Variants in CEP112 observed in about 807,000 individuals in gnomAD.
The protein encoded by CEP112 is centrosomal protein 112.
A neutral mutation model predicts 153.0 loss-of-function variants in CEP112; 127 were observed. That is an observed-to-expected ratio of 0.83 (90% CI 0.72 to 0.96). The LOEUF (loss-of-function observed/expected upper bound fraction) is 0.96, where lower values mean the gene tolerates loss of function less well. CEP112 is among the 40% of genes least tolerant of loss of function. The pLI is 0.00. For synonymous variants in CEP112, 358 were observed against 374.4 expected, an observed-to-expected ratio of 0.96 and a Z score of 0.51; for missense variants, 1,089 against 1,101.2, an observed-to-expected ratio of 0.99 and a Z score of 0.16.
intron 24 of CEP112, among the ~76,000 whole-genome samples, chr17:65,675,173 T>C (rs1182574186): frequency 6.6e-6 from 1 of 152,130 alleles, no homozygotes; most frequent in Non-Finnish European, 1.5e-5. Context: ...AATATATACA[T>C]AATTGTATTT....
At chr17:65,967,289 T>C (rs2062448971) in intron 17 of CEP112, among the ~76,000 whole-genome samples, 2 of 152,206 alleles carry the variant, frequency 1.3e-5, no homozygotes, top group African/African-American at 2.4e-5. Flanking sequence ...TAAGAAGATA[T>C]GGATGTCAGC....
chr17:65,969,008 G>A (rs1156902919), intron 17 of CEP112, among the ~76,000 whole-genome samples: 1 of 151,694 alleles, frequency 6.6e-6, no homozygotes, highest in Admixed American at 6.6e-5. Flanking sequence ...CACATGCCAA[G>A]ATCTGTGCTC....
At chr17:65,934,297 GTTA>G (rs1463027442) in intron 18 of CEP112, among the ~76,000 whole-genome samples, 1 of 152,164 alleles carries the variant, frequency 6.6e-6, no homozygotes, top group Non-Finnish European at 1.5e-5. Flanking sequence ...ATGCAATAAA[GTTA>G]TTATCATCTT....
At position 65,786,087 on chromosome 17, in the gene CEP112, T is replaced by A. The variant is rs187264335; in HGVS notation, c.2395-35363A>T. ...GCCTTTTCATTTATTTAGATTTTAA[T>A]TTTTTCATTGATGTTTTGTAGTTTT... On this transcript the variant is annotated intron_variant, in intron 21 of 26. Coordinates refer to ENST00000535342, the MANE Select transcript of CEP112 (RefSeq NM_001199165.4). Among the ~76,000 whole-genome samples, 1,413 of 152,326 alleles carry A rather than the reference T, an allele frequency of 9.3e-3. 19 individuals carry two copies. Among genetic ancestry groups the A allele is most frequent in the African/African-American group, 0.032 (1,313 of 41,580 alleles).
chr17:65,896,915 T>C (rs2059678768), intron 20 of CEP112, among the ~76,000 whole-genome samples: 1 of 152,070 alleles, frequency 6.6e-6, no homozygotes. Context: ...TATTTTCTTT[T>C]TACAAAATTA....
At chr17:65,838,802 A>T (rs570590889) in intron 21 of CEP112, among the ~76,000 whole-genome samples, 20 of 152,198 alleles carry the variant, frequency 1.3e-4, no homozygotes, top group Admixed American at 8.5e-4. Flanking sequence ...TAAAACCAGA[A>T]ATAAAAAGGG....
At chr17:65,741,923 ATC>A (rs961891784) in intron 23 of CEP112, among the ~76,000 whole-genome samples, 7 of 152,144 alleles carry the variant, frequency 4.6e-5, no homozygotes, top group African/African-American at 1.2e-4. Flanking sequence ...TGAAAAAAAA[ATC>A]TCTCTTTTTT....
chr17:65,764,930 T>C (rs1393323102), intron 21 of CEP112, among the ~76,000 whole-genome samples: 1 of 140,146 alleles, frequency 7.1e-6, no homozygotes, highest in Non-Finnish European at 1.5e-5. Context: ...GTATCTGCTA[T>C]AGTGTTTTGC....
At chr17:65,666,337 T>C (rs760407693) in intron 24 of CEP112, among the ~76,000 whole-genome samples, 1 of 152,246 alleles carries the variant, frequency 6.6e-6, no homozygotes, top group South Asian at 2.1e-4. Context: ...CTGTTTTACA[T>C]AGTGTAGGGG....
chr17:65,637,874 T>C (rs1049533757), intron 25 of CEP112, among the ~76,000 whole-genome samples: 12 of 152,162 alleles, frequency 7.9e-5, no homozygotes, highest in Non-Finnish European at 1.3e-4. Flanking sequence ...GTAAGGAAAA[T>C]TACTGCTTTC....
At chr17:65,739,632 A>C (rs974967790) in intron 23 of CEP112, among the ~76,000 whole-genome samples, 1 of 151,982 alleles carries the variant, frequency 6.6e-6, no homozygotes, top group African/African-American at 2.4e-5. Context: ...GCTGCTTGGG[A>C]GGCTGAGGCA....
chr17:65,821,280 T>C (rs552399689), intron 21 of CEP112, among the ~76,000 whole-genome samples: 13 of 151,352 alleles, frequency 8.6e-5, no homozygotes, highest in Non-Finnish European at 4.4e-5. Context: ...GTTTTTGGCA[T>C]CTATTTCAGG....
chr17:65,644,174 T>C (rs561650924), intron 24 of CEP112: 10 of 823,314 alleles, frequency 1.2e-5, no homozygotes, highest in Admixed American at 9.4e-5. Flanking sequence ...CTTGCAGTTG[T>C]TCTTCAGCTA....
rs138265868 is a variant in CEP112 at position 65,913,427 on chromosome 17, G to A, written c.1981-11093C>T. On this transcript the variant is annotated intron_variant, in intron 19 of 26. Coordinates refer to ENST00000535342, the MANE Select transcript of CEP112 (RefSeq NM_001199165.4). ...CAGAGTAAAGATACATTTTAGCACA[G>A]AAAATACTACAATCTGGTCTTACTT... 1.2e-4 allele frequency: 101 copies of A among 873,300 alleles called. No homozygotes were observed. In the East Asian group the frequency reaches 8.3e-3, roughly 72 times the overall value. The allele number at this position is 873,300 out of a possible 1,614,324, so 54.1% of individuals were successfully genotyped here.
intron 24 of CEP112, among the ~76,000 whole-genome samples, chr17:65,686,846 C>G (rs964741025): frequency 7.0e-6 from 1 of 143,010 alleles, no homozygotes; most frequent in Non-Finnish European, 1.5e-5. Flanking sequence ...AGTTTACTTT[C>G]TCTATCATTG....
chr17:66,023,656 C>T (rs1402710123), intron 16 of CEP112, among the ~76,000 whole-genome samples: 1 of 151,822 alleles, frequency 6.6e-6, no homozygotes, highest in Non-Finnish European at 1.5e-5. Flanking sequence ...AAAGCAATTG[C>T]ACAAAGGAGG....
At position 65,747,127 on chromosome 17, in the gene CEP112, C is replaced by T. The variant is rs539197825; in HGVS notation, c.2457+3535G>A. On this transcript the variant is annotated intron_variant, in intron 22 of 26. Coordinates refer to ENST00000535342, the MANE Select transcript of CEP112 (RefSeq NM_001199165.4). ...ATTTCATCTTCAACTCATTCTATTG[C>T]TTTTCAGTTTGTAGTACAGTTTGAG... Among the ~76,000 whole-genome samples, 134 of 151,668 alleles carry T rather than the reference C, an allele frequency of 8.8e-4. 1 individual carries two copies. The highest frequency in any genetic ancestry group is 3.2e-3 in the African/African-American group (133 of 41,308).
intron 17 of CEP112, among the ~76,000 whole-genome samples, chr17:65,975,052 C>T (rs1373493613): frequency 1.3e-5 from 2 of 151,992 alleles, no homozygotes; most frequent in African/African-American, 2.4e-5. Context: ...GATTAATAAT[C>T]ACACTGAAGG....
At chr17:65,870,610 A>C (rs2058643191) in intron 20 of CEP112, among the ~76,000 whole-genome samples, 1 of 152,244 alleles carries the variant, frequency 6.6e-6, no homozygotes, top group African/African-American at 2.4e-5. Context: ...TTCAAATTGC[A>C]CTTTTAATAA....
Sources: allele counts gnomAD v4.1 joint callset (sites outside exome capture counted in the v4.1 genomes callset), GRCh38; gene constraint gnomAD v4.1.1; transcripts MANE v1.5; gene names NCBI Gene and HGNC (gene_info 2026-07-23, HGNC 2026-07-21).